Variants in RAI1 observed in about 807,000 individuals in gnomAD.
The protein encoded by RAI1 is retinoic acid-induced protein 1.
A neutral mutation model predicts 123.8 loss-of-function variants in RAI1; 9 were observed. That is an observed-to-expected ratio of 0.07 (90% CI 0.04 to 0.13). RAI1 has a LOEUF of 0.13. Ranked by LOEUF, RAI1 falls within the 10% of genes least tolerant of loss-of-function variation. The probability of loss-of-function intolerance (pLI) is 1.00; values close to 1 mark genes in which losing one functional copy is unlikely to be tolerated. For synonymous variants in RAI1, 1,231 were observed against 1,127.3 expected, an observed-to-expected ratio of 1.09 and a Z score of -1.84; for missense variants, 2,256 against 2,545.8, an observed-to-expected ratio of 0.89 and a Z score of 2.45.
intron 2 of RAI1, among the ~76,000 whole-genome samples, chr17:17,787,293 T>C (rs2031857881): frequency 1.3e-5 from 2 of 152,166 alleles, no homozygotes; most frequent in African/African-American, 4.8e-5. Flanking sequence ...ACAGGGGCTG[T>C]GTCCCCCAGC....
intron 2 of RAI1, among the ~76,000 whole-genome samples, chr17:17,786,252 G>T (rs1383722677): frequency 6.6e-6 from 1 of 152,186 alleles, no homozygotes; most frequent in East Asian, 1.9e-4. Flanking sequence ...ATCTCCCGCT[G>T]CCTGGCCCAC....
chr17:17,720,684 C>T lies in RAI1; in HGVS notation c.-148-3344C>T, dbSNP rs115811365. Among the ~76,000 whole-genome samples, 536 of 152,288 alleles carry T rather than the reference C, an allele frequency of 3.5e-3. 2 individuals carry two copies. Among genetic ancestry groups the T allele is most frequent in the African/African-American group, 0.012 (495 of 41,554 alleles). On this transcript the variant is annotated intron_variant, in intron 1 of 5. Coordinates refer to ENST00000353383, the MANE Select transcript of RAI1 (RefSeq NM_030665.4). ...TTGAAATTGAGAGTCGGATGGGATC[C>T]GATTGTGTTGCTGTGGTCTTGGCAA...
At chr17:17,721,378 A>G (rs1487847896) in intron 1 of RAI1, among the ~76,000 whole-genome samples, 1 of 152,214 alleles carries the variant, frequency 6.6e-6, no homozygotes. Context: ...AAAAATACCT[A>G]CCAGATACCT....
intron 3 of RAI1, among the ~76,000 whole-genome samples, chr17:17,802,543 G>C (rs936007160): frequency 4.6e-5 from 7 of 151,376 alleles, no homozygotes; most frequent in Admixed American, 2.6e-4. Context: ...TTGGGAGGCT[G>C]AGGTGGGCGG....
rs534318095 is a variant in RAI1, at chr17:17,701,184, G to C, written c.-149+19391G>C. On this transcript the variant is annotated intron_variant, in intron 1 of 5. Coordinates refer to ENST00000353383, the MANE Select transcript of RAI1 (RefSeq NM_030665.4). ...GGTGGGCTAGCCCATGGTGAAGGTTGTCTGGGTGTGTCCTCCCTCTGGACT... is the reference window on the plus strand; with the variant it reads ...GGTGGGCTAGCCCATGGTGAAGGTTCTCTGGGTGTGTCCTCCCTCTGGACT... Among the ~76,000 whole-genome samples, 15 of 152,318 alleles carry C rather than the reference G, an allele frequency of 9.8e-5. No individual in the cohort carries two copies. In the South Asian group the frequency reaches 3.1e-3, roughly 32 times the overall value.
chr17:17,694,287 G>A (rs2142871517), intron 1 of RAI1, among the ~76,000 whole-genome samples: 1 of 152,276 alleles, frequency 6.6e-6, no homozygotes. Flanking sequence ...TCAGGCCTGA[G>A]GAACCAAACT....
intron 1 of RAI1, among the ~76,000 whole-genome samples, chr17:17,716,519 G>A (rs1024113940): frequency 6.6e-6 from 1 of 152,234 alleles, no homozygotes; most frequent in African/African-American, 2.4e-5. Flanking sequence ...GCCTGAGGGG[G>A]GGACAGGGTT....
Position 17,809,829 on chromosome 17 carries a change from G to A in RAI1, c.5710-141G>A, listed in dbSNP as rs2032685346. ...GGGTGGGGCCAGAAGGGGTGGTGCCGACGGCCTCGGGCGGAGACCCCAGCC... is the reference window on the plus strand; with the variant it reads ...GGGTGGGGCCAGAAGGGGTGGTGCCAACGGCCTCGGGCGGAGACCCCAGCC... On this transcript the variant is annotated intron_variant, in intron 5 of 5. Coordinates refer to ENST00000353383, the MANE Select transcript of RAI1 (RefSeq NM_030665.4). The surrounding 1 kb of genome is among the most constrained non-coding windows in gnomAD (Gnocchi z 4.9). The A allele has an allele frequency of 7.7e-6, 9 of 1,167,804 alleles. No homozygotes were observed. Among genetic ancestry groups the A allele is most frequent in the Non-Finnish European group, 1.1e-5 (9 of 816,138 alleles). The allele number at this position is 1,167,804 out of a possible 1,614,324, so 72.3% of individuals were successfully genotyped here.
chr17:17,763,827 C>A (rs528384013), intron 2 of RAI1, among the ~76,000 whole-genome samples: 24 of 152,326 alleles, frequency 1.6e-4, no homozygotes, highest in Middle Eastern at 3.4e-3. Flanking sequence ...AAATATCAGC[C>A]CCTTCAAACA....
intron 2 of RAI1, among the ~76,000 whole-genome samples, chr17:17,741,384 C>T (rs956434301): frequency 6.6e-6 from 1 of 152,246 alleles, no homozygotes; most frequent in Non-Finnish European, 1.5e-5. Context: ...GACCCTCCCT[C>T]CCGGGCCCCT....
At chr17:17,747,314 C>A (rs1208541206) in intron 2 of RAI1, among the ~76,000 whole-genome samples, 1 of 152,194 alleles carries the variant, frequency 6.6e-6, no homozygotes, top group Non-Finnish European at 1.5e-5. Context: ...TCCAGCCAGC[C>A]CTGAGCTCAG....
rs558687540 is a variant in RAI1, at chr17:17,784,349, G to C, written c.-16-8584G>C. On this transcript the variant is annotated intron_variant, in intron 2 of 5. Transcript: ENST00000353383. ...TAGGCTGGGGAAGGCGGAAGGCAGC[G>C]GCACATTCCACGACTCCTCTGGGAA... Among the ~76,000 whole-genome samples, 11 of 152,340 alleles carry C rather than the reference G, an allele frequency of 7.2e-5. No homozygotes were observed. In the East Asian group the frequency reaches 2.1e-3, roughly 29 times the overall value.
intron 2 of RAI1, 26 bp from the exon 3 acceptor site, chr17:17,792,907 C>A: frequency 2.0e-6 from 2 of 986,486 alleles, no homozygotes; most frequent in Non-Finnish European, 3.2e-6. Context: ...TTCCCTCCCT[C>A]CCTCCCTTCC....
At position 17,794,320 on chromosome 17, in the gene RAI1, G is replaced by A; in HGVS notation, c.1372G>A (p.Ala458Thr). 6.2e-7 allele frequency: 1 copy of A among 1,613,194 alleles called. No individual in the cohort carries two copies. The highest frequency in any genetic ancestry group is 8.5e-7 in the Non-Finnish European group (1 of 1,180,028). Reference sequence around the variant, plus strand: ...CCAGCAGCTGCTGCTCTCCAAGGCTGCTGTGCCGCAGAAGAAAGGTGTCAA... The same window carrying A: ...CCAGCAGCTGCTGCTCTCCAAGGCTACTGTGCCGCAGAAGAAAGGTGTCAA... ...TVQQLLLSKA[A>T]VPQKKGVKNL... The change falls in exon 3 of 6, where the codon GCT (alanine) becomes ACT (threonine). Residue 458 changes from alanine to threonine, a missense_variant. Physicochemically the swap from Ala to Thr is moderately conservative, Grantham distance 58. Coordinates refer to ENST00000353383, the MANE Select transcript of RAI1 (RefSeq NM_030665.4).
At chr17:17,702,520 C>T (rs1409516364) in intron 1 of RAI1, among the ~76,000 whole-genome samples, 1 of 152,196 alleles carries the variant, frequency 6.6e-6, no homozygotes, top group Non-Finnish European at 1.5e-5. Flanking sequence ...ATTCTTGTCC[C>T]CAGATGTCCT....
chr17:17,754,123 G>A (rs978722905), intron 2 of RAI1, among the ~76,000 whole-genome samples: 15 of 151,150 alleles, frequency 9.9e-5, no homozygotes, highest in African/African-American at 2.9e-4. Flanking sequence ...GGCCAGCTGT[G>A]CAGCCTGGCA....
At chr17:17,696,589 G>A (rs1915045413) in intron 1 of RAI1, among the ~76,000 whole-genome samples, 1 of 152,208 alleles carries the variant, frequency 6.6e-6, no homozygotes, top group Admixed American at 6.5e-5. Flanking sequence ...TGATTTGTTG[G>A]ACTGGCTGTT....
rs1372055157 is a variant in RAI1 at position 17,685,847 on chromosome 17, T to C, written c.-149+4054T>C. On this transcript the variant is annotated intron_variant, in intron 1 of 5. Coordinates refer to ENST00000353383, the MANE Select transcript of RAI1 (RefSeq NM_030665.4). This position sits in a 1 kb window ranked among gnomAD's most constrained non-coding sequence, Gnocchi z 4.0. The stretch of plus-strand genomic sequence containing the variant: ...CCTCCAGCCACAGCTGGCACCTCCT[T>C]GTTAAGGTGCAGCCATGTGCATCCT... 6.6e-6 allele frequency among the ~76,000 whole-genome samples: 1 copy of C among 152,168 alleles called. No homozygotes were observed. Among genetic ancestry groups the C allele is most frequent in the African/African-American group, 2.4e-5 (1 of 41,438 alleles).
At chr17:17,697,388 C>T (rs768473230) in intron 1 of RAI1, among the ~76,000 whole-genome samples, 3 of 152,212 alleles carry the variant, frequency 2.0e-5, no homozygotes, top group East Asian at 1.9e-4. Context: ...CTGCCATCAC[C>T]GCTGTGTACT....
Sources: allele counts gnomAD v4.1 joint callset (sites outside exome capture counted in the v4.1 genomes callset), GRCh38; gene constraint gnomAD v4.1.1; non-coding constraint Gnocchi (gnomAD v3.1); transcripts MANE v1.5; gene names NCBI Gene and HGNC (gene_info 2026-07-23, HGNC 2026-07-21).